Variants in KIAA1217 observed in about 807,000 individuals in gnomAD.
The protein encoded by KIAA1217 is sickle tail protein homolog.
Under a neutral mutation model 163.9 loss-of-function variants are expected in KIAA1217, and 88 were observed. That is an observed-to-expected ratio of 0.54 (90% confidence interval 0.45 to 0.64). The LOEUF (loss-of-function observed/expected upper bound fraction) is 0.64, where lower values mean the gene tolerates loss of function less well. Ranked by LOEUF, KIAA1217 falls within the 30% of genes least tolerant of loss-of-function variation. The probability of loss-of-function intolerance (pLI) is 0.00; values close to 1 mark genes in which losing one functional copy is unlikely to be tolerated. For missense variants in KIAA1217, 2,372 were observed against 2,475.0 expected, an observed-to-expected ratio of 0.96 and a Z score of 0.88; for synonymous variants, 903 against 923.1, an observed-to-expected ratio of 0.98 and a Z score of 0.39.
In KIAA1217 at chr10:24,029,317, A is replaced by G. The variant is rs78707662; in HGVS notation, c.-171+21943A>G. On this transcript the variant is annotated intron_variant, in intron 2 of 18. Coordinates refer to the KIAA1217 transcript ENST00000376462. ...TCTATTTTTCTACATAAATATCTTC[A>G]TTGCCTTGTTTTGTGAACATGAGCC... 5.9e-4 allele frequency among the ~76,000 whole-genome samples: 90 copies of G among 152,206 alleles called. 2 individuals carry two copies. In the East Asian group the frequency reaches 0.016, roughly 27 times the overall value.
At chr10:23,723,464 A>G (rs1352868002) in intron 1 of KIAA1217, among the ~76,000 whole-genome samples, 1 of 152,182 alleles carries the variant, frequency 6.6e-6, no homozygotes, top group Non-Finnish European at 1.5e-5. Context: ...GACTAATAAT[A>G]ATGGCATAGT....
chr10:24,082,779 T>A (rs1395989621), intron 2 of KIAA1217, among the ~76,000 whole-genome samples: 1 of 152,220 alleles, frequency 6.6e-6, no homozygotes, highest in African/African-American at 2.4e-5. Flanking sequence ...GATTTCTGGG[T>A]CAAATGATAT....
intron 1 of KIAA1217, among the ~76,000 whole-genome samples, chr10:23,790,207 A>ATATG (rs1554794610): frequency 6.7e-4 from 1 of 1,492 alleles, no homozygotes; most frequent in Non-Finnish European, 1.2e-3. Flanking sequence ...ATGCATATAC[A>ATATG]CATATACACA....
intron 2 of KIAA1217, among the ~76,000 whole-genome samples, chr10:24,051,818 G>T (rs1247875767): frequency 6.6e-6 from 1 of 151,944 alleles, no homozygotes; most frequent in East Asian, 1.9e-4. Flanking sequence ...TGTTCTTGCT[G>T]ATTTGTTTGA....
rs887555609 is a variant in KIAA1217, at chr10:23,695,394, C to A, written c.-321+160C>A. 3.9e-5 allele frequency among the ~76,000 whole-genome samples: 6 copies of A among 152,148 alleles called. No individual in the cohort carries two copies. The highest frequency in any genetic ancestry group is 1.3e-4 in the Admixed American group (2 of 15,278). ...TTTCGAGAGAGGGCAAGGACCCCCCCAGGAGGGCCAGGCCGGGAGGGGTCC... is the reference window on the plus strand; with the variant it reads ...TTTCGAGAGAGGGCAAGGACCCCCCAAGGAGGGCCAGGCCGGGAGGGGTCC... On this transcript the variant is annotated intron_variant, in intron 1 of 18. Transcript: ENST00000376462. This position sits in a 1 kb window ranked among gnomAD's most constrained non-coding sequence, Gnocchi z 4.9.
chr10:23,779,595 A>G (rs1223423757), intron 1 of KIAA1217, among the ~76,000 whole-genome samples: 2 of 152,196 alleles, frequency 1.3e-5, no homozygotes, highest in Non-Finnish European at 2.9e-5. Context: ...CTGTTATTTT[A>G]CGTTTACCCT....
chr10:23,720,740 A>T (rs1363288067), intron 1 of KIAA1217, among the ~76,000 whole-genome samples: 2 of 152,222 alleles, frequency 1.3e-5, no homozygotes. Context: ...TCCCCATATC[A>T]TGGAACTACT....
chr10:24,212,789 C>G (rs1233433455), intron 1 of KIAA1217, among the ~76,000 whole-genome samples: 1 of 152,192 alleles, frequency 6.6e-6, no homozygotes, highest in African/African-American at 2.4e-5. Flanking sequence ...TATTCCACAG[C>G]AAGGACCATG....
chr10:24,287,740 A>G (rs1266181664), intron 2 of KIAA1217, among the ~76,000 whole-genome samples: 1 of 152,234 alleles, frequency 6.6e-6, no homozygotes, highest in Non-Finnish European at 1.5e-5. Flanking sequence ...TGAATGAGAC[A>G]TCTGACCTCT....
At chr10:24,504,505 G>T (rs1426089093) in intron 9 of KIAA1217, among the ~76,000 whole-genome samples, 1 of 152,110 alleles carries the variant, frequency 6.6e-6, no homozygotes, top group East Asian at 1.9e-4. Flanking sequence ...AGCTATCTCG[G>T]CACCAATTCT....
intron 1 of KIAA1217, among the ~76,000 whole-genome samples, chr10:23,815,042 T>C (rs760256643): frequency 3.9e-5 from 6 of 152,192 alleles, no homozygotes; most frequent in Non-Finnish European, 8.8e-5. Context: ...TCTCTCTAAC[T>C]ACATCTTTCC....
At chr10:24,189,962 A>G (rs1388092349) in intron 2 of KIAA1217, among the ~76,000 whole-genome samples, 3 of 151,924 alleles carry the variant, frequency 2.0e-5, no homozygotes, top group South Asian at 2.1e-4. Context: ...TCAAGGCTGC[A>G]GTGAGCTGTG....
intron 2 of KIAA1217, among the ~76,000 whole-genome samples, chr10:24,133,519 C>T (rs1308576404): frequency 6.6e-6 from 1 of 151,438 alleles, no homozygotes; most frequent in Non-Finnish European, 1.5e-5. Context: ...TTGCAGTGAG[C>T]CAAGACTGCA....
intron 2 of KIAA1217, among the ~76,000 whole-genome samples, chr10:24,121,891 C>G (rs1167924562): frequency 1.3e-5 from 2 of 152,006 alleles, no homozygotes; most frequent in African/African-American, 4.8e-5. Context: ...TACTGAATAT[C>G]TCTTGGGGCA....
chr10:24,049,341 G>T (rs1317732300), intron 2 of KIAA1217, among the ~76,000 whole-genome samples: 1 of 152,094 alleles, frequency 6.6e-6, no homozygotes, highest in South Asian at 2.1e-4. Flanking sequence ...AACAGTCTCC[G>T]AGTTTTACAG....
At chr10:24,533,017 TGC>T in intron 15 of KIAA1217, 51 bp from the exon 16 acceptor site, 2 of 1,527,256 alleles carry the variant, frequency 1.3e-6, no homozygotes, top group Admixed American at 1.9e-5. Flanking sequence ...GTCCCTTTTT[TGC>T]TAGCACCTAG....
At chr10:24,201,145 C>A (rs1259998128) in intron 2 of KIAA1217, among the ~76,000 whole-genome samples, 1 of 152,002 alleles carries the variant, frequency 6.6e-6, no homozygotes, top group Non-Finnish European at 1.5e-5. Context: ...GCGGCACGCA[C>A]CTGTAATCCC....
intron 1 of KIAA1217, among the ~76,000 whole-genome samples, chr10:23,905,975 T>G (rs1462835488): frequency 6.6e-6 from 1 of 152,084 alleles, no homozygotes; most frequent in African/African-American, 2.4e-5. Flanking sequence ...AAGATCAAGG[T>G]GCTGGTAGGT....
At chr10:23,701,272 T>C (rs536133194) in intron 1 of KIAA1217, among the ~76,000 whole-genome samples, 2 of 152,214 alleles carry the variant, frequency 1.3e-5, no homozygotes, top group Non-Finnish European at 2.9e-5. Flanking sequence ...GCTGTTTACA[T>C]CTGCTGCTGA....
Sources: allele counts gnomAD v4.1 joint callset (sites outside exome capture counted in the v4.1 genomes callset), GRCh38; gene constraint gnomAD v4.1.1; non-coding constraint Gnocchi (gnomAD v3.1); transcripts MANE v1.5; gene names NCBI Gene and HGNC (gene_info 2026-07-23, HGNC 2026-07-21).